Variants in GREB1 observed in about 807,000 individuals in gnomAD.
The protein encoded by GREB1 is protein GREB1.
Under a neutral mutation model 200.7 loss-of-function variants are expected in GREB1, and 106 were observed. The ratio of observed to expected loss-of-function variants is 0.53; its 90% CI spans 0.45 to 0.62. The LOEUF (loss-of-function observed/expected upper bound fraction) is 0.62. Ranked by LOEUF, GREB1 falls within the 20% of genes least tolerant of loss-of-function variation. The probability of loss-of-function intolerance (pLI) is 0.00; values close to 1 mark genes in which losing one functional copy is unlikely to be tolerated. For synonymous variants in GREB1, 1,132 were observed against 1,092.4 expected, an observed-to-expected ratio of 1.04 and a Z score of -0.72; for missense variants, 2,243 against 2,556.8, an observed-to-expected ratio of 0.88 and a Z score of 2.65.
At chr2:11,626,510 CCTGCGAGG>C (rs1466917836) in intron 24 of GREB1, among the ~76,000 whole-genome samples, 1 of 152,168 alleles carries the variant, frequency 6.6e-6, no homozygotes, top group Non-Finnish European at 1.5e-5. Context: ...ATCACTTGAA[CCTGCGAGG>C]CGGAGGTTGC....
chr2:11,504,369 G>A (rs544413994), intron 1 of GREB1, among the ~76,000 whole-genome samples: 6 of 152,308 alleles, frequency 3.9e-5, no homozygotes, highest in Middle Eastern at 3.4e-3. Context: ...TGAAACTGTG[G>A]ATGAGGGTCT....
At chr2:11,608,736 A>T (rs1177812610) in intron 17 of GREB1, among the ~76,000 whole-genome samples, 1 of 152,234 alleles carries the variant, frequency 6.6e-6, no homozygotes, top group East Asian at 1.9e-4. Flanking sequence ...CCAGCCCTAC[A>T]TGAACTTGAG....
At chr2:11,557,946 A>G (rs1482122306) in intron 2 of GREB1, among the ~76,000 whole-genome samples, 1 of 152,204 alleles carries the variant, frequency 6.6e-6, no homozygotes. Flanking sequence ...CAGTTGAAAG[A>G]CTTTGGTGGA....
At chr2:11,610,070 C>T (rs1033991596) in intron 17 of GREB1, among the ~76,000 whole-genome samples, 4 of 152,220 alleles carry the variant, frequency 2.6e-5, no homozygotes, top group African/African-American at 9.6e-5. Flanking sequence ...GTTGTGGGAG[C>T]AGCCACCACC....
chr2:11,629,823 G>A lies in GREB1; in HGVS notation c.4450-125G>A. On this transcript the variant is annotated intron_variant, in intron 25 of 32. Coordinates refer to ENST00000381486, the MANE Select transcript of GREB1 (RefSeq NM_014668.4). The surrounding 1 kb of genome is among the most constrained non-coding windows in gnomAD (Gnocchi z 5.2). ...ACTTTGCACTGGAGTCACCCCGTGG[G>A]TTTCTTGTGCTGTAGGGAAGTGGTG... 1.0e-6 allele frequency: 1 copy of A among 953,240 alleles called. No individual in the cohort carries two copies. Among genetic ancestry groups the A allele is most frequent in the Non-Finnish European group, 1.6e-6 (1 of 625,250 alleles). 59.0% of individuals were successfully genotyped at this position (953,240 alleles called of 1,614,324 possible).
chr2:11,609,133 G>A (rs1328205384), intron 17 of GREB1, among the ~76,000 whole-genome samples: 1 of 152,184 alleles, frequency 6.6e-6, no homozygotes, highest in East Asian at 1.9e-4. Context: ...CAGATGGGAG[G>A]ATAAACCTGA....
Position 11,610,685 on chromosome 2 carries a change from C to T in GREB1, c.2667-3C>T. 6.2e-7 allele frequency: 1 copy of T among 1,604,960 alleles called. No individual in the cohort carries two copies. Among genetic ancestry groups the T allele is most frequent in the Non-Finnish European group, 8.5e-7 (1 of 1,175,028 alleles). On this transcript the variant is annotated splice_polypyrimidine_tract_variant and splice_region_variant and intron_variant, in intron 17 of 32. Transcript: ENST00000381486. The stretch of plus-strand genomic sequence containing the variant: ...AGACATGGTCTCTCTGTGTTCCTTG[C>T]AGGTTCCCCCGCCTGCACAGCGCGG...
chr2:11,611,564 C>A (rs1682930407), intron 18 of GREB1, among the ~76,000 whole-genome samples: 1 of 152,216 alleles, frequency 6.6e-6, no homozygotes, highest in Non-Finnish European at 1.5e-5. Context: ...CCTCAGCCTC[C>A]CAAAGTGCTG....
At chr2:11,613,049 G>C (rs1163925152) in intron 19 of GREB1, among the ~76,000 whole-genome samples, 1 of 152,220 alleles carries the variant, frequency 6.6e-6, no homozygotes, top group Non-Finnish European at 1.5e-5. Context: ...CCCGGCTTAG[G>C]AGGCGTTCTG....
At chr2:11,582,337 G>A (rs569227660) in intron 7 of GREB1, among the ~76,000 whole-genome samples, 1 of 152,296 alleles carries the variant, frequency 6.6e-6, no homozygotes, top group Admixed American at 6.5e-5. Flanking sequence ...AGGGGAACAC[G>A]AGCCGTTCCA....
Position 11,629,878 on chromosome 2 carries a change from T to C in GREB1, c.4450-70T>C, listed in dbSNP as rs1481815169. On this transcript the variant is annotated intron_variant, in intron 25 of 32. Coordinates refer to ENST00000381486, the MANE Select transcript of GREB1 (RefSeq NM_014668.4). The surrounding 1 kb of genome is among the most constrained non-coding windows in gnomAD (Gnocchi z 5.2). ...TGAGCTGCACGTTGTCACAGCAGAG[T>C]GGGCCTGGGGTCTTCTGGGAAGCAG... 5 of 1,477,566 alleles carry C rather than the reference T, an allele frequency of 3.4e-6. No individual in the cohort carries two copies. The African/African-American group carries it at 4.2e-5, about 12-fold the overall frequency. The allele number at this position is 1,477,566 out of a possible 1,614,324, so 91.5% of individuals were successfully genotyped here.
chr2:11,637,603 T>A, intron 30 of GREB1, 113 bp from the exon 31 acceptor site: 1 of 780,966 alleles, frequency 1.3e-6, no homozygotes, highest in Non-Finnish European at 2.1e-6. Context: ...TCTCAGTTCA[T>A]TCCCCTGAGT....
At chr2:11,632,829 C>T in intron 27 of GREB1, 60 bp from the exon 28 acceptor site, 3 of 1,478,576 alleles carry the variant, frequency 2.0e-6, no homozygotes, top group Admixed American at 1.8e-5. Context: ...TGCCTGGGGT[C>T]TGTCTGCTGT....
chr2:11,537,783 AAC>A (rs1674366162), intron 1 of GREB1, among the ~76,000 whole-genome samples: 1 of 148,542 alleles, frequency 6.7e-6, no homozygotes, highest in Non-Finnish European at 1.5e-5. Context: ...ATACTATTTT[AAC>A]ATAAAATACA....
In GREB1 at chr2:11,634,798, G is replaced by A. The variant is rs372727406; in HGVS notation, c.5210+449G>A. Among the ~76,000 whole-genome samples the A allele has an allele frequency of 7.0e-4, 106 of 152,320 alleles. 2 individuals carry two copies. The South Asian group carries it at 0.018, about 26-fold the overall frequency. On this transcript the variant is annotated intron_variant, in intron 29 of 32. Coordinates refer to ENST00000381486, the MANE Select transcript of GREB1 (RefSeq NM_014668.4). ...TCAAAGAGGGTGGGCTTTGGAGCCA[G>A]ACTGACTGCGCCTCCAAGAACCGGG... is the stretch of plus-strand genomic sequence containing the variant.
intron 18 of GREB1, chr2:11,612,208 A>AG: frequency 1.6e-6 from 1 of 642,580 alleles, no homozygotes; most frequent in Non-Finnish European, 2.0e-6. Context: ...AAAAAAAAAA[A>AG]AGACTTAAGG....
chr2:11,524,870 A>G (rs1558501118), intron 1 of GREB1, among the ~76,000 whole-genome samples: 1 of 152,218 alleles, frequency 6.6e-6, no homozygotes, highest in Non-Finnish European at 1.5e-5. Context: ...CAAAAAACTA[A>G]GTCCTGGCCA....
In GREB1 at chr2:11,614,960, C is replaced by T. The variant is rs773429386; in HGVS notation, c.3123-131C>T. 127 of 689,608 alleles carry T rather than the reference C, an allele frequency of 1.8e-4. 1 individual carries two copies. The highest frequency in any genetic ancestry group is 1.6e-4 in the Non-Finnish European group (63 of 383,176). 42.7% of individuals were successfully genotyped at this position (689,608 alleles called of 1,614,324 possible). ...CTCCCAGTAACACTGTTGGCTTTTC[C>T]ACTTGTACGAGTCCTTGGGTCCTCA... On this transcript the variant is annotated intron_variant, in intron 19 of 32. Coordinates refer to ENST00000381486, the MANE Select transcript of GREB1 (RefSeq NM_014668.4).
chr2:11,632,804 C>A (rs923085595), intron 27 of GREB1, 85 bp from the exon 28 acceptor site: 8 of 1,219,194 alleles, frequency 6.6e-6, no homozygotes, highest in Non-Finnish European at 9.3e-6. Context: ...GTCTGGGCGG[C>A]CCCGACAGCA....
Sources: allele counts gnomAD v4.1 joint callset (sites outside exome capture counted in the v4.1 genomes callset), GRCh38; gene constraint gnomAD v4.1.1; non-coding constraint Gnocchi (gnomAD v3.1); transcripts MANE v1.5; gene names NCBI Gene and HGNC (gene_info 2026-07-23, HGNC 2026-07-21).